The following WDR7 variants were observed in gnomAD, a reference collection of about 807,000 sequenced individuals.
WDR7 encodes the protein WD repeat domain 7, also known as WD repeat-containing protein 7.
WDR7 carries 46 observed loss-of-function variants against 169.4 expected under a neutral mutation model. The observed-to-expected ratio is 0.27, with a 90% CI of 0.21 to 0.35. The LOEUF (loss-of-function observed/expected upper bound fraction) is 0.35. WDR7 is among the 10% of genes least tolerant of loss of function. WDR7 has a pLI of 1.00. For missense variants in WDR7, 1,534 were observed against 1,859.3 expected (o/e 0.83, Z 3.22); for synonymous variants, 612 against 666.8 (o/e 0.92, Z 1.27).
chr18:56,715,441 A>T (rs1166156801), intron 12 of WDR7, among the ~76,000 whole-genome samples: 1 of 152,202 alleles, frequency 6.6e-6, no homozygotes, highest in East Asian at 1.9e-4. Flanking sequence ...CGACGTGGGG[A>T]CTAGCAAATA....
In WDR7 at chr18:56,816,027, T is replaced by G; in HGVS notation, c.3191-4T>G. On this transcript the variant is annotated splice_polypyrimidine_tract_variant and splice_region_variant and intron_variant, in intron 19 of 27. Coordinates refer to ENST00000254442, the MANE Select transcript of WDR7 (RefSeq NM_015285.3). Reference sequence around the variant, plus strand: ...TGAAGCCTTGTGATTCATATTTGTTTTAGCTGGAGTCACATCAGAAGCCGC... The same window carrying G: ...TGAAGCCTTGTGATTCATATTTGTTGTAGCTGGAGTCACATCAGAAGCCGC... The G allele has an allele frequency of 6.3e-7, 1 of 1,579,706 alleles. No homozygotes were observed. The highest frequency in any genetic ancestry group is 1.2e-5 in the South Asian group (1 of 84,706).
At chr18:56,709,810 G>A (rs72929264) in intron 12 of WDR7, among the ~76,000 whole-genome samples, 1,767 of 151,990 alleles carry the variant, frequency 0.012, 22 homozygotes, top group Non-Finnish European at 0.018. Context: ...GAGTTTTTCA[G>A]TTTTAGTCCC....
At chr18:56,847,882 T>C (rs2045589538) in intron 20 of WDR7, among the ~76,000 whole-genome samples, 1 of 152,166 alleles carries the variant, frequency 6.6e-6, no homozygotes, top group African/African-American at 2.4e-5. Flanking sequence ...AGAGGATGTA[T>C]TGGAAACTCT....
At chr18:56,697,135 C>T (rs542405117) in intron 12 of WDR7, among the ~76,000 whole-genome samples, 1 of 152,280 alleles carries the variant, frequency 6.6e-6, no homozygotes, top group South Asian at 2.1e-4. Context: ...TGCATAATCA[C>T]TGTCTCCCAA....
At chr18:56,924,926 GC>G (rs1388060678) in intron 22 of WDR7, among the ~76,000 whole-genome samples, 1 of 152,114 alleles carries the variant, frequency 6.6e-6, no homozygotes, top group Non-Finnish European at 1.5e-5. Context: ...TGCCCATTAA[GC>G]AGTCCTCCCC....
intron 21 of WDR7, among the ~76,000 whole-genome samples, chr18:56,912,312 C>A (rs191041495): frequency 1.5e-4 from 23 of 152,298 alleles, no homozygotes; most frequent in Non-Finnish European, 2.8e-4. Context: ...ACCAGAGACA[C>A]TCATATCCAT....
At chr18:56,864,662 C>G (rs1234152554) in intron 20 of WDR7, among the ~76,000 whole-genome samples, 4 of 151,648 alleles carry the variant, frequency 2.6e-5, no homozygotes. Context: ...TTAATTTTGT[C>G]TCTCTACTTC....
At chr18:56,890,567 G>T (rs114131449) in intron 21 of WDR7, among the ~76,000 whole-genome samples, 331 of 152,256 alleles carry the variant, frequency 2.2e-3, no homozygotes, top group African/African-American at 7.7e-3. Flanking sequence ...CAAGCCATTT[G>T]CAAAGATAAG....
intron 19 of WDR7, among the ~76,000 whole-genome samples, chr18:56,794,871 C>A (rs1194619571): frequency 2.0e-5 from 3 of 152,078 alleles, no homozygotes; most frequent in African/African-American, 7.2e-5. Flanking sequence ...TTTCTCCTCC[C>A]GTTCTTTATG....
intron 14 of WDR7, among the ~76,000 whole-genome samples, chr18:56,743,139 G>A (rs932681801): frequency 2.0e-5 from 3 of 152,202 alleles, no homozygotes; most frequent in Non-Finnish European, 4.4e-5. Context: ...TTGGGTGATA[G>A]AATAGAAAGT....
intron 20 of WDR7, among the ~76,000 whole-genome samples, chr18:56,829,388 T>G (rs2045270504): frequency 6.6e-6 from 1 of 152,120 alleles, no homozygotes; most frequent in Non-Finnish European, 1.5e-5. Flanking sequence ...AGAGAAGCAT[T>G]TAGGCTGCAA....
In WDR7 at chr18:56,695,118, A is replaced by C. The variant is rs889083445; in HGVS notation, c.1277A>C (p.Glu426Ala). ...PAHGRLVCGR[E>A]DGSIVIVPAT... The stretch of plus-strand genomic sequence containing the variant: ...CATGGACGACTTGTTTGTGGTCGTG[A>C]AGATGGAAGCATAGTTATTGTACCT... Residue 426 changes from glutamate (E) to alanine (A), a missense_variant, in exon 11 of 28, where the codon GAA becomes GCA. Transcript: ENST00000254442. 4 of 1,614,044 alleles carry C rather than the reference A, an allele frequency of 2.5e-6. No homozygotes were observed. Among genetic ancestry groups the C allele is most frequent in the Non-Finnish European group, 3.4e-6 (4 of 1,180,032 alleles).
chr18:56,794,837 C>G (rs2044556359), intron 19 of WDR7, among the ~76,000 whole-genome samples: 1 of 152,126 alleles, frequency 6.6e-6, no homozygotes, highest in African/African-American at 2.4e-5. Context: ...TTCTATCAAT[C>G]AATCATCTAC....
At chr18:56,956,382 A>G (rs1009710836) in intron 25 of WDR7, among the ~76,000 whole-genome samples, 3 of 152,102 alleles carry the variant, frequency 2.0e-5, no homozygotes, top group African/African-American at 7.2e-5. Context: ...GGTGTATGCA[A>G]ACATGTTCTA....
intron 27 of WDR7, among the ~76,000 whole-genome samples, chr18:57,026,329 T>C (rs2048366070): frequency 6.6e-6 from 1 of 152,192 alleles, no homozygotes; most frequent in Non-Finnish European, 1.5e-5. Context: ...GTATTGTCAA[T>C]AAAATATTAA....
At chr18:56,731,656 C>A in intron 14 of WDR7, 59 bp downstream of exon 14, 2 of 1,400,944 alleles carry the variant, frequency 1.4e-6, no homozygotes, top group Non-Finnish European at 1.9e-6. Context: ...CATTTAGTAA[C>A]ATGGCTTTGG....
At chr18:56,822,195 T>C (rs1010366092) in intron 20 of WDR7, among the ~76,000 whole-genome samples, 3 of 152,218 alleles carry the variant, frequency 2.0e-5, no homozygotes, top group Non-Finnish European at 4.4e-5. Context: ...TTTTCAAACA[T>C]TATTTAGGAC....
intron 22 of WDR7, among the ~76,000 whole-genome samples, chr18:56,927,605 C>T (rs749554776): frequency 2.6e-5 from 4 of 151,706 alleles, no homozygotes; most frequent in Admixed American, 1.3e-4. Flanking sequence ...CAGTGAGACC[C>T]GACTCTTAAA....
intron 21 of WDR7, among the ~76,000 whole-genome samples, chr18:56,904,902 G>A (rs185593761): frequency 6.6e-5 from 10 of 152,194 alleles, no homozygotes; most frequent in African/African-American, 1.4e-4. Flanking sequence ...AAGGAATGAC[G>A]CAGCTACTTA....
Sources: gnomAD v4.1 joint callset for allele counts (sites outside exome capture counted in the v4.1 genomes callset) on GRCh38, gnomAD v4.1.1 for gene constraint, MANE v1.5 for transcripts, NCBI Gene and HGNC (gene_info 2026-07-23, HGNC 2026-07-21) for gene names.